Variants in SMURF1 observed in about 807,000 individuals in gnomAD.
The protein encoded by SMURF1 is SMAD specific E3 ubiquitin protein ligase 1.
In SMURF1, 44 loss-of-function variants were observed where a neutral mutation model predicts 98.0. The ratio of observed to expected loss-of-function variants is 0.45; its 90% CI spans 0.35 to 0.58. The LOEUF (loss-of-function observed/expected upper bound fraction) is 0.58, where lower values mean the gene tolerates loss of function less well. Among genes scored for constraint, SMURF1 ranks in the 20% least tolerant of loss-of-function variants. The probability of loss-of-function intolerance (pLI) is 0.00; values close to 1 mark genes in which losing one functional copy is unlikely to be tolerated. For synonymous variants in SMURF1, 396 were observed against 374.9 expected, an observed-to-expected ratio of 1.06 and a Z score of -0.65; for missense variants, 687 against 938.4, an observed-to-expected ratio of 0.73 and a Z score of 3.50.
At position 99,035,733 on chromosome 7, in the gene SMURF1, AG is replaced by A; in HGVS notation, c.1810-18del. On this transcript the variant is annotated intron_variant, in intron 15 of 17. Transcript: ENST00000361368. ...TATGATCAGCTGAGGAGGTGCAGAA[AG>A]GTGAATTACTTCCAAAATGCATAAA... The A allele has an allele frequency of 6.2e-7, 1 of 1,611,852 alleles. No homozygotes were observed. The highest frequency in any genetic ancestry group is 8.5e-7 in the Non-Finnish European group (1 of 1,178,576).
At chr7:99,083,251 A>G (rs1015541993) in intron 1 of SMURF1, among the ~76,000 whole-genome samples, 3 of 152,226 alleles carry the variant, frequency 2.0e-5, no homozygotes, top group Admixed American at 6.5e-5. Flanking sequence ...CAAATGAAAG[A>G]GAGAACCTTG....
chr7:99,089,211 AAAAG>A lies in SMURF1; in HGVS notation c.56-27378_56-27375del, dbSNP rs553194558. Among the ~76,000 whole-genome samples the A allele has an allele frequency of 3.8e-3, 573 of 151,936 alleles. 10 individuals are homozygous for A. The highest frequency in any genetic ancestry group is 0.017 in the Admixed American group (261 of 15,252). On this transcript the variant is annotated intron_variant, in intron 1 of 17. Coordinates refer to ENST00000361368, the MANE Select transcript of SMURF1 (RefSeq NM_181349.3). The stretch of plus-strand genomic sequence containing the variant: ...TAGTGAGACTCTGTCAAAAAAAAAA[AAAAG>A]AAAGAAATCAATCAATCAGTCAGAC...
At chr7:99,076,302 G>A (rs1364208414) in intron 1 of SMURF1, among the ~76,000 whole-genome samples, 2 of 152,224 alleles carry the variant, frequency 1.3e-5, no homozygotes, top group Non-Finnish European at 2.9e-5. Flanking sequence ...GGAGAAACCT[G>A]ACGAACACCA....
chr7:99,060,518 TTTC>T lies in SMURF1; in HGVS notation c.203+78_203+80del, dbSNP rs1370379295. ...AATAAAAAGTCATCCTTTTTTTTTT[TTTC>T]TCTTGGATGTTTCTCGTAAAAGGTA... On this transcript the variant is annotated intron_variant, in intron 3 of 17. Coordinates refer to ENST00000361368, the MANE Select transcript of SMURF1 (RefSeq NM_181349.3). The T allele has an allele frequency of 5.8e-6, 5 of 865,718 alleles. No individual in the cohort carries two copies. In the East Asian group the frequency reaches 1.4e-4, roughly 25 times the overall value. 53.6% of individuals were successfully genotyped at this position (865,718 alleles called of 1,614,324 possible). A position where few individuals can be genotyped will look rare whatever the true frequency, so the allele number is the denominator to read the frequency against.
At chr7:99,052,673 A>G (rs746210430) in intron 6 of SMURF1, among the ~76,000 whole-genome samples, 9 of 152,234 alleles carry the variant, frequency 5.9e-5, no homozygotes, top group Non-Finnish European at 2.9e-5. Flanking sequence ...CCCAAGGCCA[A>G]CTGTACAATT....
intron 1 of SMURF1, among the ~76,000 whole-genome samples, chr7:99,110,833 A>C (rs1179174565): frequency 6.6e-6 from 1 of 152,254 alleles, no homozygotes; most frequent in East Asian, 1.9e-4. Context: ...CCAGCAACAC[A>C]GTACTGACTG....
chr7:99,032,964 CA>C (rs139310092), intron 17 of SMURF1, 72 bp downstream of exon 17: 2,206 of 1,297,240 alleles, frequency 1.7e-3, no homozygotes, highest in Admixed American at 4.4e-3. Flanking sequence ...AAAAAAACAA[CA>C]AAAAAAAAAC....
intron 9 of SMURF1, chr7:99,048,609 A>G (rs1563004459): frequency 2.0e-5 from 3 of 152,350 alleles, no homozygotes; most frequent in African/African-American, 7.2e-5. Context: ...AAATCTCATG[A>G]TAGGCACAAC....
At chr7:99,106,237 T>C (rs1427354337) in intron 1 of SMURF1, among the ~76,000 whole-genome samples, 1 of 152,196 alleles carries the variant, frequency 6.6e-6, no homozygotes, top group Non-Finnish European at 1.5e-5. Flanking sequence ...GTTAAGAACA[T>C]TGGGGTGTTA....
chr7:99,103,421 A>G (rs6465736), intron 1 of SMURF1, among the ~76,000 whole-genome samples: 152,248 of 152,344 alleles, frequency 1, 76,076 homozygotes, highest in Non-Finnish European at 1. Flanking sequence ...AACTGTGTTT[A>G]CTATTACAAT....
In SMURF1 at chr7:99,054,864, G is replaced by A. The variant is rs1290957999; in HGVS notation, c.405C>T (p.Val135=). ...DTDAVRGQIV[V]SLQTRDRIGT... ...CTATTCTGTCTCGTGTCTGTAAACTGACTAAAAGAGAAAAGAACGACTTGT... is the reference window on the plus strand; with the variant it reads ...CTATTCTGTCTCGTGTCTGTAAACTAACTAAAAGAGAAAAGAACGACTTGT... Residue 135 remains valine, a splice_region_variant and synonymous_variant, in exon 6 of 18, where the codon GTC becomes GTT. Coordinates refer to ENST00000361368, the MANE Select transcript of SMURF1 (RefSeq NM_181349.3). 11 of 1,613,540 alleles carry A rather than the reference G, an allele frequency of 6.8e-6. No homozygotes were observed. The African/African-American group carries it at 1.5e-4, about 22-fold the overall frequency.
intron 9 of SMURF1, chr7:99,048,392 A>C (rs1360285357): frequency 6.2e-6 from 1 of 160,862 alleles, no homozygotes; most frequent in African/African-American, 2.4e-5. Flanking sequence ...CTCTCTCTCA[A>C]AAAAAAGGAG....
chr7:99,093,593 T>G (rs1796862825), intron 1 of SMURF1, among the ~76,000 whole-genome samples: 1 of 151,726 alleles, frequency 6.6e-6, no homozygotes, highest in African/African-American at 2.4e-5. Context: ...TTTTGCAGTT[T>G]TACGCCTATA....
rs754141495 is a variant in SMURF1 at position 99,052,354 on chromosome 7, C to CCAG, written c.569_571dup (p.Ala190dup). 3.1e-5 allele frequency: 50 copies of CCAG among 1,612,426 alleles called. No individual in the cohort carries two copies. The Admixed American group carries it at 8.0e-4, about 26-fold the overall frequency. On this transcript the variant is annotated inframe_insertion, in exon 7 of 18. Transcript: ENST00000361368. ...CTCCACGAACCTGCAATTCCCTCCTCCAGCAGCAGCACCGGTGCTATCTGT... is the reference window on the plus strand; with the variant it reads ...CTCCACGAACCTGCAATTCCCTCCTCCAGCAGCAGCAGCACCGGTGCTATCTGT...
intron 3 of SMURF1, among the ~76,000 whole-genome samples, chr7:99,060,115 C>T (rs151176872): frequency 0.013 from 2,034 of 152,028 alleles, 41 homozygotes; most frequent in African/African-American, 0.047. Flanking sequence ...CAGTGGCTCA[C>T]GCCTGTAATC....
chr7:99,122,778 A>C (rs1797668800), intron 1 of SMURF1, among the ~76,000 whole-genome samples: 1 of 143,164 alleles, frequency 7.0e-6, no homozygotes, highest in Non-Finnish European at 1.5e-5. Context: ...TTACATAATT[A>C]AAATTTCACA....
chr7:99,042,961 A>G (rs1795442953), intron 11 of SMURF1, among the ~76,000 whole-genome samples: 1 of 152,262 alleles, frequency 6.6e-6, no homozygotes, highest in African/African-American at 2.4e-5. Context: ...CATTGTACTC[A>G]AAAGAACAGA....
chr7:99,063,241 TTATATATATATA>T (rs1178325637), intron 1 of SMURF1, among the ~76,000 whole-genome samples: 98 of 34,750 alleles, frequency 2.8e-3, no homozygotes, highest in African/African-American at 6.9e-3. Flanking sequence ...TAAGATTTAT[TTATATATATATA>T]TATATATATA....
chr7:99,063,293 A>T (rs1364919083), intron 1 of SMURF1, among the ~76,000 whole-genome samples: 2 of 28,128 alleles, frequency 7.1e-5, no homozygotes, highest in Non-Finnish European at 1.8e-4. Flanking sequence ...ATATATATAT[A>T]TATATATATA....
Sources: gnomAD v4.1 joint callset for allele counts (sites outside exome capture counted in the v4.1 genomes callset) on GRCh38, gnomAD v4.1.1 for gene constraint, MANE v1.5 for transcripts, NCBI Gene and HGNC (gene_info 2026-07-23, HGNC 2026-07-21) for gene names.